The following GNB4 variants were observed in gnomAD, a reference collection of about 807,000 sequenced individuals.
GNB4 encodes guanine nucleotide-binding protein subunit beta-4.
A neutral mutation model predicts 45.2 loss-of-function variants in GNB4; 28 were observed. The observed-to-expected ratio is 0.62, with a 90% confidence interval of 0.46 to 0.85. The LOEUF (loss-of-function observed/expected upper bound fraction) is 0.85. Among genes scored for constraint, GNB4 ranks in the 40% least tolerant of loss-of-function variants. The probability of loss-of-function intolerance (pLI) is 0.00; values close to 1 mark genes in which losing one functional copy is unlikely to be tolerated. For missense variants in GNB4, 321 were observed against 425.4 expected, an observed-to-expected ratio of 0.75 and a Z score of 2.16; for synonymous variants, 132 against 143.7, an observed-to-expected ratio of 0.92 and a Z score of 0.58.
At chr3:179,499,526 A>G in the GNB4 span, among the ~76,000 whole-genome samples, 1 of 152,188 alleles carries the variant, frequency 6.6e-6, no homozygotes, top group Admixed American at 6.5e-5. Flanking sequence ...AGTCTTTGCT[A>G]TTGTGAACAG....
At chr3:179,411,867 A>T (rs6443647) in intron 8 of GNB4, among the ~76,000 whole-genome samples, 106,570 of 152,084 alleles carry the variant, frequency 0.7, 37,664 homozygotes, top group African/African-American at 0.77. Flanking sequence ...ATGTTTCTCA[A>T]ACATTAAAAT....
intron 2 of GNB4, among the ~76,000 whole-genome samples, chr3:179,421,447 T>G (rs946933035): frequency 6.6e-6 from 1 of 152,102 alleles, no homozygotes; most frequent in African/African-American, 2.4e-5. Context: ...TTTTTCAAAT[T>G]TATCAGTTAA....
the GNB4 span, among the ~76,000 whole-genome samples, chr3:179,459,575 G>A: frequency 3.1e-4 from 47 of 152,140 alleles, no homozygotes; most frequent in Admixed American, 2.2e-3. Flanking sequence ...CCAGCTACTC[G>A]GGAGGCTGAG....
chr3:179,476,914 T>C, the GNB4 span, among the ~76,000 whole-genome samples: 1 of 152,122 alleles, frequency 6.6e-6, no homozygotes, highest in East Asian at 1.9e-4. Flanking sequence ...CTTTAAGTCT[T>C]TTCTCTTCTC....
chr3:179,416,485 A>G lies in GNB4; in HGVS notation c.267+8T>C, dbSNP rs1375590944. 6.7e-7 allele frequency: 1 copy of G among 1,499,764 alleles called. No homozygotes were observed. Among genetic ancestry groups the G allele is most frequent in the African/African-American group, 1.4e-5 (1 of 71,866 alleles). The allele number at this position is 1,499,764 out of a possible 1,614,324, so 92.9% of individuals were successfully genotyped here. On this transcript the variant is annotated splice_region_variant and intron_variant, in intron 5 of 9. Transcript: ENST00000232564. ...AGGTTATTTAAAAGAATTATGAAGAAATTCTACCTTATTTGTTGTATAGCT... is the reference window on the plus strand; with the variant it reads ...AGGTTATTTAAAAGAATTATGAAGAGATTCTACCTTATTTGTTGTATAGCT...
intron 1 of GNB4, among the ~76,000 whole-genome samples, chr3:179,438,804 G>T (rs1217728533): frequency 1.3e-5 from 2 of 152,154 alleles, no homozygotes; most frequent in Non-Finnish European, 2.9e-5. Flanking sequence ...CAAAGGGGGA[G>T]AGAGAATAGA....
upstream of GNB4, among the ~76,000 whole-genome samples, chr3:179,452,218 GT>G (rs11291709): frequency 0.081 from 11,979 of 147,112 alleles, 790 homozygotes; most frequent in Middle Eastern, 0.26. Flanking sequence ...TCTCAATCGA[GT>G]TTTTTTTTTT....
At chr3:179,466,675 C>T in the GNB4 span, among the ~76,000 whole-genome samples, 14 of 152,262 alleles carry the variant, frequency 9.2e-5, no homozygotes, top group South Asian at 2.9e-3. Flanking sequence ...TATTGAATTA[C>T]AGTTGTAAGT....
the GNB4 span, among the ~76,000 whole-genome samples, chr3:179,512,531 G>A: frequency 6.6e-6 from 1 of 152,134 alleles, no homozygotes; most frequent in African/African-American, 2.4e-5. Flanking sequence ...TACAGCTTGA[G>A]CTAAAAATAG....
chr3:179,438,799 G>T (rs149406565), intron 1 of GNB4, among the ~76,000 whole-genome samples: 59 of 152,258 alleles, frequency 3.9e-4, no homozygotes, highest in African/African-American at 1.3e-3. Flanking sequence ...GGTTTCAAAG[G>T]GGGAGAGAGA....
chr3:179,522,070 G>A, the GNB4 span, among the ~76,000 whole-genome samples: 1 of 152,008 alleles, frequency 6.6e-6, no homozygotes, highest in Middle Eastern at 3.4e-3. Flanking sequence ...ATTAATATAA[G>A]AAGACAGGAA....
At chr3:179,432,045 G>T (rs1415397546) in intron 1 of GNB4, among the ~76,000 whole-genome samples, 1 of 152,084 alleles carries the variant, frequency 6.6e-6, no homozygotes, top group Non-Finnish European at 1.5e-5. Context: ...CCTTCACCAA[G>T]GACTTTTAAA....
At chr3:179,516,399 C>A in the GNB4 span, among the ~76,000 whole-genome samples, 1 of 152,234 alleles carries the variant, frequency 6.6e-6, no homozygotes, top group East Asian at 1.9e-4. Flanking sequence ...CTCTACCCAT[C>A]CAGTGAAAGT....
At chr3:179,427,275 C>T (rs1388443805) in intron 1 of GNB4, among the ~76,000 whole-genome samples, 1 of 152,042 alleles carries the variant, frequency 6.6e-6, no homozygotes, top group Non-Finnish European at 1.5e-5. Flanking sequence ...ACACCATCAG[C>T]ATGTATTTAC....
At chr3:179,509,168 TACACACAC>T in the GNB4 span, among the ~76,000 whole-genome samples, 32 of 146,984 alleles carry the variant, frequency 2.2e-4, no homozygotes, top group East Asian at 3.8e-3. Flanking sequence ...TATATATACA[TACACACAC>T]ACACACACAC....
chr3:179,424,680 C>T (rs780080060), intron 2 of GNB4, among the ~76,000 whole-genome samples: 1 of 152,180 alleles, frequency 6.6e-6, no homozygotes, highest in Non-Finnish European at 1.5e-5. Context: ...TCATGGTTCA[C>T]TGCAGCCTCG....
intron 1 of GNB4, among the ~76,000 whole-genome samples, chr3:179,436,361 G>A (rs541773269): frequency 3.3e-4 from 50 of 152,226 alleles, no homozygotes; most frequent in African/African-American, 1.1e-3. Flanking sequence ...TTGCACTCCC[G>A]CCTGGGCAAT....
intron 1 of GNB4, among the ~76,000 whole-genome samples, chr3:179,436,517 C>T (rs1715454835): frequency 6.6e-6 from 1 of 151,950 alleles, no homozygotes; most frequent in East Asian, 1.9e-4. Flanking sequence ...TTTCTTTTTG[C>T]AATACAAATT....
chr3:179,507,396 G>C, the GNB4 span, among the ~76,000 whole-genome samples: 7 of 152,150 alleles, frequency 4.6e-5, no homozygotes, highest in Non-Finnish European at 8.8e-5. Context: ...AGGTAGGAAG[G>C]AAGGAAGGAA....
Sources: allele counts gnomAD v4.1 joint callset (sites outside exome capture counted in the v4.1 genomes callset), GRCh38; gene constraint gnomAD v4.1.1; transcripts MANE v1.5; gene names NCBI Gene and HGNC (gene_info 2026-07-23, HGNC 2026-07-21).